CHRM5: variants seen among roughly 807,000 people sequenced by gnomAD.
CHRM5 encodes muscarinic acetylcholine receptor M5.
CHRM5 carries 18 observed loss-of-function variants against 39.0 expected under a neutral mutation model. The observed-to-expected ratio is 0.46, with a 90% confidence interval of 0.32 to 0.68. The LOEUF (loss-of-function observed/expected upper bound fraction) is 0.68, where lower values mean the gene tolerates loss of function less well. Among genes scored for constraint, CHRM5 ranks in the 30% least tolerant of loss-of-function variants. The pLI, the probability that CHRM5 is intolerant of heterozygous loss-of-function variation, is 0.04. For synonymous variants in CHRM5, 241 were observed against 246.3 expected (o/e 0.98, Z 0.20); for missense variants, 515 against 651.1 (o/e 0.79, Z 2.28).
intron 1 of CHRM5, among the ~76,000 whole-genome samples, chr15:34,032,023 G>GCACACATA (rs1898870749): frequency 6.7e-6 from 1 of 148,944 alleles, no homozygotes; most frequent in South Asian, 2.1e-4. Flanking sequence ...GCGCGCACAC[G>GCACACATA]CACACACACA....
chr15:33,992,389 C>CAAAAAA (rs145900095), intron 1 of CHRM5, among the ~76,000 whole-genome samples: 2 of 147,524 alleles, frequency 1.4e-5, no homozygotes, highest in South Asian at 2.2e-4. Context: ...GACTCCGTCT[C>CAAAAAA]AAAAAAAAAG....
Position 34,062,973 on chromosome 15 carries a change from C to A in CHRM5, c.256C>A (p.Leu86Ile), listed in dbSNP as rs758654227. The A allele has an allele frequency of 2.5e-6, 4 of 1,614,126 alleles. No individual in the cohort carries two copies. The South Asian group carries it at 4.4e-5, about 18-fold the overall frequency. The change falls in exon 3 of 3, where the codon CTC becomes ATC. Residue 86 changes from leucine (L) to isoleucine (I), a missense_variant. Leu to Ile is a conservative substitution (Grantham distance 5). Transcript: ENST00000383263. ...DLIIGIFSMNLYTTYILMGRW... is the reference protein window; with the variant it reads ...DLIIGIFSMNIYTTYILMGRW... ...CATCATTGGAATCTTCTCCATGAAC[C>A]TCTACACCACCTACATCCTCATGGG...
chr15:34,015,311 A>G (rs571962372), intron 1 of CHRM5, among the ~76,000 whole-genome samples: 631 of 151,914 alleles, frequency 4.2e-3, no homozygotes, highest in Non-Finnish European at 7.3e-3. Flanking sequence ...GTGAAACCCC[A>G]CCTCTACTAA....
At chr15:33,974,445 G>T (rs1174725203) in intron 1 of CHRM5, among the ~76,000 whole-genome samples, 2 of 152,106 alleles carry the variant, frequency 1.3e-5, no homozygotes, top group Non-Finnish European at 2.9e-5. Flanking sequence ...TACCAACAAT[G>T]GTGATTTCTT....
At chr15:34,056,404 G>A (rs1900151456) in intron 2 of CHRM5, among the ~76,000 whole-genome samples, 1 of 152,134 alleles carries the variant, frequency 6.6e-6, no homozygotes, top group Non-Finnish European at 1.5e-5. Flanking sequence ...GGATTCCACA[G>A]GATATTAACA....
At chr15:33,978,708 G>A (rs1345269006) in intron 1 of CHRM5, among the ~76,000 whole-genome samples, 1 of 151,948 alleles carries the variant, frequency 6.6e-6, no homozygotes, top group African/African-American at 2.4e-5. Flanking sequence ...ATAAAATTAA[G>A]GTGTACAAAT....
intron 1 of CHRM5, among the ~76,000 whole-genome samples, chr15:33,979,254 T>G (rs1248639854): frequency 6.6e-6 from 1 of 152,094 alleles, no homozygotes; most frequent in Non-Finnish European, 1.5e-5. Flanking sequence ...AGGCACGGTG[T>G]CCCATGCCTG....
In CHRM5 at chr15:34,066,782, TC is replaced by T. The variant is rs1213018302; in HGVS notation, c.*2468del. On this transcript the variant is annotated 3_prime_UTR_variant, in exon 3 of 3. Transcript: ENST00000383263. ...GTGAGCTATGATCACACTACTGCAT[TC>T]CAGTCTAAGTGACAGAGCAAGACCC... The T allele has an allele frequency of 6.7e-6, 1 of 149,862 alleles. No homozygotes were observed. The highest frequency in any genetic ancestry group is 1.5e-5 in the Non-Finnish European group (1 of 67,868). The allele number at this position is 149,862 out of a possible 1,614,324, so 9.3% of individuals were successfully genotyped here.
At chr15:34,011,966 C>T (rs1295632299) in intron 1 of CHRM5, among the ~76,000 whole-genome samples, 1 of 152,080 alleles carries the variant, frequency 6.6e-6, no homozygotes, top group African/African-American at 2.4e-5. Flanking sequence ...TGTGGAGGTC[C>T]TTTTAGGGAG....
At chr15:34,044,408 G>A (rs527430694) in intron 1 of CHRM5, among the ~76,000 whole-genome samples, 11 of 152,238 alleles carry the variant, frequency 7.2e-5, no homozygotes, top group African/African-American at 2.2e-4. Context: ...TTTTATTGTT[G>A]TTGTTTCCAG....
intron 2 of CHRM5, among the ~76,000 whole-genome samples, chr15:34,055,894 G>A (rs567618733): frequency 6.6e-6 from 1 of 152,136 alleles, no homozygotes; most frequent in Non-Finnish European, 1.5e-5. Context: ...GATTATCCAG[G>A]TAATTCATAT....
chr15:34,027,959 G>C (rs2632076), intron 1 of CHRM5, among the ~76,000 whole-genome samples: 97,635 of 152,014 alleles, frequency 0.64, 36,703 homozygotes, highest in Non-Finnish European at 0.85. Flanking sequence ...GTGGTCATGC[G>C]CAGAAAAGAT....
rs558622557 is a variant in CHRM5, at chr15:33,968,941, T to C, written c.-617T>C. On this transcript the variant is annotated 5_prime_UTR_variant, in exon 1 of 3. Coordinates refer to ENST00000383263, the MANE Select transcript of CHRM5 (RefSeq NM_012125.4). ...GGCAAAACTCACCCTTCTGGTTCTATAATCCTATCCAAATGGAGTCTTCAT... is the reference window on the plus strand; with the variant it reads ...GGCAAAACTCACCCTTCTGGTTCTACAATCCTATCCAAATGGAGTCTTCAT... 1.2e-3 allele frequency: 181 copies of C among 152,244 alleles called. 1 individual carries two copies. The highest frequency in any genetic ancestry group is 4.1e-3 in the African/African-American group (171 of 41,572). The allele number at this position is 152,244 out of a possible 1,614,324, so 9.4% of individuals were successfully genotyped here.
chr15:34,007,412 C>T (rs1488017517), intron 1 of CHRM5, among the ~76,000 whole-genome samples: 1 of 152,182 alleles, frequency 6.6e-6, no homozygotes, highest in African/African-American at 2.4e-5. Context: ...CTGTACAGAA[C>T]ATAATTCAGC....
chr15:34,040,663 C>T (rs1042242493), intron 1 of CHRM5, among the ~76,000 whole-genome samples: 3 of 151,952 alleles, frequency 2.0e-5, no homozygotes, highest in African/African-American at 7.2e-5. Flanking sequence ...GTGTGTGGTT[C>T]GTGCCTGTAA....
At chr15:34,006,438 C>G (rs1007160064) in intron 1 of CHRM5, among the ~76,000 whole-genome samples, 6 of 152,138 alleles carry the variant, frequency 3.9e-5, no homozygotes, top group Non-Finnish European at 5.9e-5. Flanking sequence ...GAACAGAGTT[C>G]AGAGAGGCTT....
chr15:33,978,500 C>T (rs1286184065), intron 1 of CHRM5, among the ~76,000 whole-genome samples: 3 of 151,992 alleles, frequency 2.0e-5, no homozygotes, highest in Admixed American at 2.0e-4. Flanking sequence ...CCTGTCTCTA[C>T]TAAAAATACA....
At chr15:33,970,267 A>G (rs1400435364) in intron 1 of CHRM5, among the ~76,000 whole-genome samples, 1 of 151,946 alleles carries the variant, frequency 6.6e-6, no homozygotes, top group East Asian at 1.9e-4. Context: ...GGAGTAAATT[A>G]TATGATCCCT....
intron 1 of CHRM5, among the ~76,000 whole-genome samples, chr15:33,980,186 A>G (rs1226568505): frequency 6.6e-6 from 1 of 152,240 alleles, no homozygotes; most frequent in Non-Finnish European, 1.5e-5. Flanking sequence ...AAGACACATT[A>G]AAGTATGTAA....
Sources: gnomAD v4.1 joint callset for allele counts (sites outside exome capture counted in the v4.1 genomes callset) on GRCh38, gnomAD v4.1.1 for gene constraint, MANE v1.5 for transcripts, NCBI Gene and HGNC (gene_info 2026-07-23, HGNC 2026-07-21) for gene names.